Variants in GRID2 observed in about 807,000 individuals in gnomAD.
The protein encoded by GRID2 is glutamate receptor ionotropic, delta-2.
In GRID2, 33 loss-of-function variants were observed where a neutral mutation model predicts 114.8. The observed-to-expected ratio is 0.29, with a 90% CI of 0.22 to 0.38. The LOEUF (loss-of-function observed/expected upper bound fraction) is 0.38. Among genes scored for constraint, GRID2 ranks in the 10% least tolerant of loss-of-function variants. The pLI is 1.00. For synonymous variants in GRID2, 505 were observed against 449.9 expected (o/e 1.12, Z -1.55); for missense variants, 1,184 against 1,257.7 (o/e 0.94, Z 0.89).
chr4:92,982,432 T>C (rs1268363980), intron 2 of GRID2, among the ~76,000 whole-genome samples: 1 of 152,108 alleles, frequency 6.6e-6, no homozygotes, highest in African/African-American at 2.4e-5. Flanking sequence ...ATTTGAGTGA[T>C]TAAAAATTAC....
chr4:92,993,743 T>A (rs975404179), intron 2 of GRID2, among the ~76,000 whole-genome samples: 4 of 152,226 alleles, frequency 2.6e-5, no homozygotes, highest in African/African-American at 7.2e-5. Context: ...TGAATTAACT[T>A]ACTTGTTCAA....
chr4:92,661,179 TTTC>T (rs1732494576), intron 2 of GRID2, among the ~76,000 whole-genome samples: 1 of 150,872 alleles, frequency 6.6e-6, no homozygotes. Flanking sequence ...TTCTTTTAAT[TTTC>T]TTCATGATGA....
intron 1 of GRID2, among the ~76,000 whole-genome samples, chr4:92,381,963 G>C (rs1438331221): frequency 6.6e-6 from 1 of 151,878 alleles, no homozygotes; most frequent in Non-Finnish European, 1.5e-5. Flanking sequence ...ATTTTTTCAA[G>C]TTTTTCATGA....
At chr4:92,658,895 CACAT>C (rs1332211295) in intron 2 of GRID2, among the ~76,000 whole-genome samples, 11 of 141,270 alleles carry the variant, frequency 7.8e-5, no homozygotes, top group African/African-American at 1.8e-4. Context: ...TTTATGTACA[CACAT>C]ACACACATTT....
At chr4:92,359,231 C>T (rs533191885) in intron 1 of GRID2, among the ~76,000 whole-genome samples, 1 of 152,016 alleles carries the variant, frequency 6.6e-6, no homozygotes, top group East Asian at 1.9e-4. Flanking sequence ...TATTCTTTCT[C>T]TTACCAAAGC....
intron 2 of GRID2, among the ~76,000 whole-genome samples, chr4:92,947,844 GTATTTT>G (rs1447633942): frequency 3.3e-5 from 5 of 151,764 alleles, no homozygotes; most frequent in Admixed American, 6.6e-5. Context: ...CTGATAATCA[GTATTTT>G]TATTATGTCC....
intron 1 of GRID2, among the ~76,000 whole-genome samples, chr4:92,584,489 C>A (rs771699351): frequency 1.3e-5 from 2 of 151,860 alleles, no homozygotes; most frequent in Non-Finnish European, 2.9e-5. Flanking sequence ...CTAATAAACT[C>A]CCCAAGGCAG....
chr4:92,799,102 A>G (rs138524133), intron 2 of GRID2, among the ~76,000 whole-genome samples: 2 of 152,026 alleles, frequency 1.3e-5, no homozygotes, highest in South Asian at 2.1e-4. Flanking sequence ...TTATTATTAC[A>G]TACTCACCAT....
chr4:93,726,122 A>T (rs1342585983), intron 14 of GRID2, among the ~76,000 whole-genome samples: 1 of 152,176 alleles, frequency 6.6e-6, no homozygotes, highest in Non-Finnish European at 1.5e-5. Context: ...TTTTAGGTCT[A>T]ACATGTAAGT....
chr4:92,940,427 G>A (rs913243615), intron 2 of GRID2, among the ~76,000 whole-genome samples: 5 of 150,508 alleles, frequency 3.3e-5, no homozygotes, highest in Admixed American at 6.8e-5. Flanking sequence ...TGTATCCTGA[G>A]ACTTTGCTGA....
At chr4:93,431,019 G>A (rs925590388) in intron 10 of GRID2, among the ~76,000 whole-genome samples, 5 of 152,172 alleles carry the variant, frequency 3.3e-5, no homozygotes, top group Admixed American at 2.0e-4. Flanking sequence ...CTAATGTTGT[G>A]AAGAGAATGA....
intron 2 of GRID2, among the ~76,000 whole-genome samples, chr4:92,827,933 T>C (rs1741842088): frequency 1.3e-5 from 2 of 152,196 alleles, no homozygotes; most frequent in African/African-American, 2.4e-5. Context: ...CCAATTTTGA[T>C]AGTTAACTTG....
chr4:92,614,593 T>C (rs1729911820), intron 2 of GRID2, among the ~76,000 whole-genome samples: 1 of 151,664 alleles, frequency 6.6e-6, no homozygotes, highest in African/African-American at 2.4e-5. Flanking sequence ...ATTTCAATCA[T>C]TCTTGATTCA....
chr4:92,502,951 C>T (rs1446767183), intron 1 of GRID2, among the ~76,000 whole-genome samples: 7 of 151,884 alleles, frequency 4.6e-5, no homozygotes, highest in Non-Finnish European at 1.0e-4. Context: ...CTGCTGACCC[C>T]ATGATCAGCC....
chr4:93,550,446 G>A (rs1197548445), intron 13 of GRID2, among the ~76,000 whole-genome samples: 1 of 152,154 alleles, frequency 6.6e-6, no homozygotes, highest in Non-Finnish European at 1.5e-5. Context: ...AGAGATAACT[G>A]TTTACAAAGG....
Position 93,009,711 on chromosome 4 carries a change from A to G in GRID2, c.245-75284A>G, listed in dbSNP as rs1018930338. On this transcript the variant is annotated intron_variant, in intron 2 of 15. Transcript: ENST00000282020. ...TGTGGTCTTTTTGCCCTTAGCAGCT[A>G]GAAGTGGAGACCTTGGTTTCTCTGA... 2.0e-5 allele frequency among the ~76,000 whole-genome samples: 3 copies of G among 152,218 alleles called. No individual in the cohort carries two copies. The East Asian group carries it at 5.8e-4, about 29-fold the overall frequency.
At chr4:93,420,683 T>C (rs1768168866) in intron 9 of GRID2, among the ~76,000 whole-genome samples, 1 of 152,060 alleles carries the variant, frequency 6.6e-6, no homozygotes, top group African/African-American at 2.4e-5. Flanking sequence ...AAAAAATCGG[T>C]ACCTTAACAA....
intron 13 of GRID2, among the ~76,000 whole-genome samples, chr4:93,596,682 T>C (rs1253610956): frequency 6.6e-6 from 1 of 152,254 alleles, no homozygotes; most frequent in Middle Eastern, 3.2e-3. Flanking sequence ...CGTTACATTG[T>C]TTTGTGTTGT....
chr4:93,549,486 G>A (rs1733559018), intron 13 of GRID2, among the ~76,000 whole-genome samples: 1 of 152,168 alleles, frequency 6.6e-6, no homozygotes, highest in South Asian at 2.1e-4. Flanking sequence ...TGTGTTTGAA[G>A]CAAATTCATC....
Sources: allele counts gnomAD v4.1 joint callset (sites outside exome capture counted in the v4.1 genomes callset), GRCh38; gene constraint gnomAD v4.1.1; transcripts MANE v1.5; gene names NCBI Gene and HGNC (gene_info 2026-07-23, HGNC 2026-07-21).